DOCK11: variants seen among roughly 807,000 people sequenced by gnomAD.
The protein encoded by DOCK11 is dedicator of cytokinesis protein 11.
In DOCK11, 70 loss-of-function variants were observed where a neutral mutation model predicts 169.1. The ratio of observed to expected loss-of-function variants is 0.41; its 90% confidence interval spans 0.34 to 0.51. DOCK11 has a LOEUF of 0.51. DOCK11 is among the 20% of genes least tolerant of loss of function. The probability of loss-of-function intolerance (pLI) is 0.10; values close to 1 mark genes in which losing one functional copy is unlikely to be tolerated. For missense variants in DOCK11, 1,166 were observed against 1,538.8 expected (o/e 0.76, Z 4.05); for synonymous variants, 529 against 541.3 (o/e 0.98, Z 0.32).
chrX:118,552,877 C>CTT (rs1332951204), intron 6 of DOCK11, among the ~76,000 whole-genome samples: 1 of 107,019 alleles, frequency 9.3e-6, no homozygotes, highest in African/African-American at 3.4e-5. Flanking sequence ...ACCTCATCCC[C>CTT]TTTTTTTTTT....
chrX:118,635,620 C>A (rs1433762911), intron 35 of DOCK11, among the ~76,000 whole-genome samples: 1 of 111,828 alleles, frequency 8.9e-6, no homozygotes, highest in Non-Finnish European at 1.9e-5. Context: ...CGGAGTCTCA[C>A]TCTGTCGCCC....
intron 32 of DOCK11, 121 bp from the exon 33 acceptor site, chrX:118,627,383 G>A (rs1290534914): frequency 1.9e-6 from 1 of 533,645 alleles, no homozygotes. Flanking sequence ...ACTAGTATCT[G>A]ATTTAGACTT....
chrX:118,592,112 T>C (rs1487785535), intron 19 of DOCK11, among the ~76,000 whole-genome samples: 1 of 109,292 alleles, frequency 9.1e-6, no homozygotes, highest in Non-Finnish European at 1.9e-5. Flanking sequence ...TGTGTCTTTA[T>C]AGCAGCATGT....
chrX:118,593,899 T>C (rs1357819680), intron 20 of DOCK11, among the ~76,000 whole-genome samples: 1 of 112,406 alleles, frequency 8.9e-6, no homozygotes, highest in Non-Finnish European at 1.9e-5. Context: ...CTTGCCAATG[T>C]GCTTAGACTA....
At chrX:118,596,382 T>G (rs185233677) in intron 20 of DOCK11, among the ~76,000 whole-genome samples, 1 of 112,529 alleles carries the variant, frequency 8.9e-6, no homozygotes, top group East Asian at 2.8e-4. Context: ...TTTTAAGAAT[T>G]AAAGCATTTG....
chrX:118,662,228 C>T (rs1467163783), intron 44 of DOCK11, among the ~76,000 whole-genome samples: 15 of 111,350 alleles, frequency 1.3e-4, no homozygotes, highest in African/African-American at 4.6e-4. Flanking sequence ...TCTTAAAAGT[C>T]CTAGGCCAGA....
intron 1 of DOCK11, among the ~76,000 whole-genome samples, chrX:118,524,904 T>C (rs919538524): frequency 1.3e-4 from 14 of 110,995 alleles, no homozygotes; most frequent in Non-Finnish European, 1.9e-5. Context: ...TGCCAGCATT[T>C]TGGGAGAGGC....
Position 118,680,371 on chromosome X carries a change from C to T in DOCK11, c.5461-111C>T, listed in dbSNP as rs2016713924. Reference sequence around the variant, plus strand: ...GAAACACAATTATAATGGCAATGTTCCTCACTTGGTCTCAAAGAAGTTAGT... The same window carrying T: ...GAAACACAATTATAATGGCAATGTTTCTCACTTGGTCTCAAAGAAGTTAGT... On this transcript the variant is annotated intron_variant, in intron 48 of 52. Coordinates refer to ENST00000276202, the MANE Select transcript of DOCK11 (RefSeq NM_144658.4). The T allele has an allele frequency of 1.1e-5, 4 of 362,176 alleles. No homozygotes were observed. The Admixed American group carries it at 2.5e-4, about 23-fold the overall frequency. 29.8% of individuals were successfully genotyped at this position (362,176 alleles called of 1,213,427 possible). A position where few individuals can be genotyped will look rare whatever the true frequency, so the allele number is the denominator to read the frequency against.
chrX:118,555,070 G>A (rs989836967), intron 6 of DOCK11, among the ~76,000 whole-genome samples: 1 of 111,867 alleles, frequency 8.9e-6, no homozygotes, highest in Non-Finnish European at 1.9e-5. Context: ...TTTGAGCAGT[G>A]ACATGCTGTG....
chrX:118,655,330 A>C (rs767906842), intron 44 of DOCK11, among the ~76,000 whole-genome samples: 59 of 111,202 alleles, frequency 5.3e-4, no homozygotes, highest in African/African-American at 1.8e-3. Context: ...AAATATAAAA[A>C]AAAAATAGTA....
intron 44 of DOCK11, among the ~76,000 whole-genome samples, chrX:118,655,593 T>TAAGATTCCTAATTC (rs1246226003): frequency 8.9e-6 from 1 of 112,072 alleles, no homozygotes; most frequent in Non-Finnish European, 1.9e-5. Flanking sequence ...ATTCCTAATT[T>TAAGATTCCTAATTC]AAGATTCCTA....
chrX:118,680,338 C>T (rs2016713358), intron 48 of DOCK11, 144 bp from the exon 49 acceptor site: 2 of 293,304 alleles, frequency 6.8e-6, no homozygotes, highest in African/African-American at 5.6e-5. Flanking sequence ...TGAAGACGCC[C>T]TTTATTGGAA....
intron 13 of DOCK11, among the ~76,000 whole-genome samples, chrX:118,579,178 G>A (rs1043162952): frequency 1.8e-5 from 2 of 112,340 alleles, no homozygotes; most frequent in African/African-American, 6.5e-5. Flanking sequence ...TGAAATGTTG[G>A]CATATTAAAT....
chrX:118,622,101 C>G (rs1255888975), intron 31 of DOCK11, among the ~76,000 whole-genome samples: 1 of 111,617 alleles, frequency 9.0e-6, no homozygotes, highest in African/African-American at 3.3e-5. Flanking sequence ...GTGGGCAAAT[C>G]CTTTTTCCTT....
intron 19 of DOCK11, among the ~76,000 whole-genome samples, chrX:118,591,722 G>A (rs1224523372): frequency 1.0e-5 from 1 of 97,453 alleles, no homozygotes; most frequent in Admixed American, 1.2e-4. Context: ...ATGTTGGTGT[G>A]CTGCACCCAT....
Position 118,640,367 on chromosome X carries a change from C to G in DOCK11, c.4144+790C>G, listed in dbSNP as rs570468167. On this transcript the variant is annotated intron_variant, in intron 38 of 52. Coordinates refer to ENST00000276202, the MANE Select transcript of DOCK11 (RefSeq NM_144658.4). Reference sequence around the variant, plus strand: ...ATAAAAAATAATGTTTTGCTAGACCCTGAACTAATAGACTCAGGACCTTTA... The same window carrying G: ...ATAAAAAATAATGTTTTGCTAGACCGTGAACTAATAGACTCAGGACCTTTA... Among the ~76,000 whole-genome samples the G allele has an allele frequency of 7.1e-5, 8 of 112,281 alleles. 1 individual carries two copies. In the South Asian group the frequency reaches 2.9e-3, roughly 41 times the overall value.
intron 10 of DOCK11, among the ~76,000 whole-genome samples, chrX:118,568,996 G>A (rs1302549478): frequency 2.8e-5 from 3 of 109,001 alleles, no homozygotes; most frequent in Non-Finnish European, 5.7e-5. Context: ...TTTCTTCCAC[G>A]AAAATATGAA....
At chrX:118,541,039 G>A (rs180894673) in intron 1 of DOCK11, among the ~76,000 whole-genome samples, 14 of 111,210 alleles carry the variant, frequency 1.3e-4, no homozygotes, top group African/African-American at 3.3e-4. Flanking sequence ...GATGTCTACC[G>A]TGTGCCAGGT....
chrX:118,539,432 G>T (rs143189303), intron 1 of DOCK11, among the ~76,000 whole-genome samples: 1,263 of 110,861 alleles, frequency 0.011, 20 homozygotes, highest in African/African-American at 0.039. Flanking sequence ...AGGGGCTGGG[G>T]GCAAAGTGGG....
Sources: allele counts gnomAD v4.1 joint callset (sites outside exome capture counted in the v4.1 genomes callset), GRCh38; gene constraint gnomAD v4.1.1; transcripts MANE v1.5; gene names NCBI Gene and HGNC (gene_info 2026-07-23, HGNC 2026-07-21).